The following PPP1R12B variants were observed in gnomAD, a reference collection of about 807,000 sequenced individuals.
The protein encoded by PPP1R12B is protein phosphatase 1 regulatory subunit 12B.
A neutral mutation model predicts 126.1 loss-of-function variants in PPP1R12B; 76 were observed. The ratio of observed to expected loss-of-function variants is 0.60; its 90% CI spans 0.50 to 0.73. The LOEUF (loss-of-function observed/expected upper bound fraction) is 0.73. Ranked by LOEUF, PPP1R12B falls within the 30% of genes least tolerant of loss-of-function variation. PPP1R12B has a pLI of 0.00. For synonymous variants in PPP1R12B, 356 were observed against 434.7 expected (o/e 0.82, Z 2.25); for missense variants, 1,052 against 1,205.1 (o/e 0.87, Z 1.88).
chr1:202,549,698 A>G (rs1686112820), intron 18 of PPP1R12B, among the ~76,000 whole-genome samples: 1 of 152,118 alleles, frequency 6.6e-6, no homozygotes, highest in Non-Finnish European at 1.5e-5. Flanking sequence ...TATTACACGC[A>G]TGAGCCACCG....
Position 202,451,953 on chromosome 1 carries a change from G to T in PPP1R12B, c.1850+2782G>T, listed in dbSNP as rs367743616. Among the ~76,000 whole-genome samples the T allele has an allele frequency of 6.2e-4, 95 of 152,130 alleles. 2 individuals carry two copies. In the East Asian group the frequency reaches 0.015, roughly 24 times the overall value. ...AGGGGCTCCTCACTTCTCAGACGGG[G>T]CGGCTGCTGGGCGGAGGGGCTCCTC... is the stretch of plus-strand genomic sequence containing the variant. On this transcript the variant is annotated intron_variant, in intron 13 of 23. Coordinates refer to ENST00000608999, the MANE Select transcript of PPP1R12B (RefSeq NM_002481.4).
intron 1 of PPP1R12B, among the ~76,000 whole-genome samples, chr1:202,375,536 TC>T (rs1288850724): frequency 6.6e-6 from 1 of 152,200 alleles, no homozygotes; most frequent in Non-Finnish European, 1.5e-5. Context: ...CTAAGGAGCC[TC>T]CCATGGCATA....
chr1:202,580,987 G>T lies in PPP1R12B; in HGVS notation c.*427G>T, dbSNP rs1335186287. ...TCTGATATAGGTGAGTCTTGTGGTA[G>T]CCACTCCAGGATCCTGATTGGGGTG... is the stretch of plus-strand genomic sequence containing the variant. On this transcript the variant is annotated 3_prime_UTR_variant, in exon 24 of 24. Transcript: ENST00000608999. 1 of 166,024 alleles carries T rather than the reference G, an allele frequency of 6.0e-6. No homozygotes were observed. The highest frequency in any genetic ancestry group is 2.4e-5 in the African/African-American group (1 of 41,980). 10.3% of individuals were successfully genotyped at this position (166,024 alleles called of 1,614,324 possible).
intron 1 of PPP1R12B, among the ~76,000 whole-genome samples, chr1:202,376,066 G>C (rs1284178730): frequency 6.6e-6 from 1 of 152,176 alleles, no homozygotes; most frequent in Non-Finnish European, 1.5e-5. Context: ...GCAGAGGAAG[G>C]GGGTGGTGGC....
At chr1:202,561,583 C>T (rs867755126) in intron 19 of PPP1R12B, among the ~76,000 whole-genome samples, 5 of 152,120 alleles carry the variant, frequency 3.3e-5, no homozygotes, top group African/African-American at 9.7e-5. Flanking sequence ...GTAGTTATTT[C>T]TTAGGCAGGA....
rs755863831 is a variant in PPP1R12B, at chr1:202,565,271, T to C, written c.2757+724T>C. Among the ~76,000 whole-genome samples, 2 of 152,246 alleles carry C rather than the reference T, an allele frequency of 1.3e-5. No individual in the cohort carries two copies. The highest frequency in any genetic ancestry group is 2.4e-5 in the African/African-American group (1 of 41,472). ...AGCAAGCACTGCTTTTGGTTATTGC[T>C]GAGTTATCAGGAAACCTATTGAGTT... On this transcript the variant is annotated intron_variant, in intron 21 of 23. Coordinates refer to ENST00000608999, the MANE Select transcript of PPP1R12B (RefSeq NM_002481.4). This position sits in a 1 kb window ranked among gnomAD's most constrained non-coding sequence, Gnocchi z 4.3.
rs753017801 is a variant in PPP1R12B, at chr1:202,349,140, C to G, written c.289C>G (p.Gln97Glu). 6.2e-7 allele frequency: 1 copy of G among 1,613,784 alleles called. No homozygotes were observed. The highest frequency in any genetic ancestry group is 8.5e-7 in the Non-Finnish European group (1 of 1,179,982). ...VNVDGLTALH[Q>E]ACIDENLDMV... ...CGTGGACGGCTTGACAGCCCTGCAC[C>G]AGGTAACTCCTTTCTTGGTCTTAGA... Residue 97 changes from glutamine (Q) to glutamate (E), a missense_variant and splice_region_variant, in exon 1 of 24, where the codon CAG (glutamine) becomes GAG (glutamate). Physicochemically the swap from Gln to Glu is conservative, Grantham distance 29. Coordinates refer to ENST00000608999, the MANE Select transcript of PPP1R12B (RefSeq NM_002481.4).
intron 18 of PPP1R12B, chr1:202,540,253 T>C: frequency 6.4e-7 from 1 of 1,560,008 alleles, no homozygotes; most frequent in Non-Finnish European, 8.8e-7. Context: ...TAAGCAGCAT[T>C]TTTTATTTAC....
chr1:202,551,827 GA>G (rs1686361699), intron 18 of PPP1R12B, among the ~76,000 whole-genome samples: 1 of 152,146 alleles, frequency 6.6e-6, no homozygotes, highest in African/African-American at 2.4e-5. Context: ...AGGGCCATGT[GA>G]AAAGGAATGT....
intron 1 of PPP1R12B, among the ~76,000 whole-genome samples, chr1:202,399,795 C>T (rs949118307): frequency 4.6e-5 from 7 of 152,168 alleles, no homozygotes; most frequent in Admixed American, 3.3e-4. Flanking sequence ...TGCGCCTGGC[C>T]GATATTTGTT....
intron 18 of PPP1R12B, among the ~76,000 whole-genome samples, chr1:202,517,801 T>C (rs1238186218): frequency 6.6e-6 from 1 of 152,064 alleles, no homozygotes; most frequent in African/African-American, 2.4e-5. Context: ...AATTTTGGTA[T>C]TTTCGGTAGA....
At chr1:202,562,416 G>A (rs1687620895) in intron 19 of PPP1R12B, among the ~76,000 whole-genome samples, 1 of 152,172 alleles carries the variant, frequency 6.6e-6, no homozygotes, top group South Asian at 2.1e-4. Flanking sequence ...ATTTTTCCAA[G>A]AGCCATTGAA....
intron 18 of PPP1R12B, among the ~76,000 whole-genome samples, chr1:202,544,076 ACC>A (rs1268657420): frequency 6.6e-6 from 1 of 152,222 alleles, no homozygotes; most frequent in African/African-American, 2.4e-5. Flanking sequence ...TGGGAACCAC[ACC>A]AGGTAGATAT....
chr1:202,429,528 G>A (rs1364328089), intron 6 of PPP1R12B, among the ~76,000 whole-genome samples: 3 of 152,060 alleles, frequency 2.0e-5, no homozygotes, highest in African/African-American at 7.2e-5. Context: ...GGCTTAATTA[G>A]TGCTATACAG....
chr1:202,368,740 C>G (rs1338863435), intron 1 of PPP1R12B, among the ~76,000 whole-genome samples: 4 of 151,502 alleles, frequency 2.6e-5, no homozygotes, highest in African/African-American at 9.7e-5. Flanking sequence ...TTAAAAGAAC[C>G]ATTTTATTTT....
intron 13 of PPP1R12B, chr1:202,463,076 C>T (rs959109324): frequency 3.4e-5 from 33 of 984,580 alleles, no homozygotes; most frequent in Non-Finnish European, 3.9e-5. Context: ...AAGTGCTGGG[C>T]CTGGAATGTC....
At chr1:202,372,977 C>T (rs1660555601) in intron 1 of PPP1R12B, among the ~76,000 whole-genome samples, 1 of 151,906 alleles carries the variant, frequency 6.6e-6, no homozygotes, top group Admixed American at 6.6e-5. Context: ...CTCTGTCACC[C>T]AGGCTGGAGT....
chr1:202,567,064 C>T (rs1434276042), intron 21 of PPP1R12B, among the ~76,000 whole-genome samples: 1 of 152,138 alleles, frequency 6.6e-6, no homozygotes, highest in Non-Finnish European at 1.5e-5. Context: ...GTCTTTTCAG[C>T]CCCTCTGCAA....
chr1:202,495,817 G>A (rs1414393053), intron 17 of PPP1R12B, 135 bp downstream of exon 17: 1 of 757,664 alleles, frequency 1.3e-6, no homozygotes, highest in Non-Finnish European at 2.1e-6. Context: ...GAGGAAAAGA[G>A]AAGAAAGACC....
Sources: gnomAD v4.1 joint callset for allele counts (sites outside exome capture counted in the v4.1 genomes callset) on GRCh38, gnomAD v4.1.1 for gene constraint, Gnocchi (gnomAD v3.1) non-coding constraint, MANE v1.5 for transcripts, NCBI Gene and HGNC (gene_info 2026-07-23, HGNC 2026-07-21) for gene names.